PTPRS: variants seen among roughly 807,000 people sequenced by gnomAD.
PTPRS encodes the protein protein tyrosine phosphatase receptor type S.
In PTPRS, 63 loss-of-function variants were observed where a neutral mutation model predicts 215.3. That is an observed-to-expected ratio of 0.29 (90% CI 0.24 to 0.36). PTPRS has a LOEUF of 0.36. Ranked by LOEUF, PTPRS falls within the 10% of genes least tolerant of loss-of-function variation. The pLI, the probability that PTPRS is intolerant of heterozygous loss-of-function variation, is 1.00. For missense variants in PTPRS, 2,258 were observed against 2,825.8 expected, an observed-to-expected ratio of 0.80 and a Z score of 4.56; for synonymous variants, 1,404 against 1,191.4, an observed-to-expected ratio of 1.18 and a Z score of -3.68.
At chr19:5,216,613 T>C (rs2041483242) in intron 26 of PTPRS, 107 bp downstream of exon 26, 1 of 983,614 alleles carries the variant, frequency 1.0e-6, no homozygotes. Context: ...CAAAGGCCGG[T>C]GATGGGTGGG....
chr19:5,212,519 A>G lies in PTPRS; in HGVS notation c.4615-28T>C, dbSNP rs748090485. 3.6e-5 allele frequency: 56 copies of G among 1,554,818 alleles called. No homozygotes were observed. The Admixed American group carries it at 1.0e-3, about 29-fold the overall frequency. On this transcript the variant is annotated intron_variant, in intron 30 of 37. Coordinates refer to ENST00000262963, the MANE Select transcript of PTPRS (RefSeq NM_002850.4). ...GGGGACCACAAGGATGTCACCTGTC[A>G]CTCCGGCTCAACCTGCCACCCATGT...
chr19:5,224,217 A>G (rs1196346407), intron 17 of PTPRS, among the ~76,000 whole-genome samples: 1 of 152,128 alleles, frequency 6.6e-6, no homozygotes, highest in Non-Finnish European at 1.5e-5. Context: ...TCACTTAAGA[A>G]GCAAAGACTT....
intron 1 of PTPRS, among the ~76,000 whole-genome samples, chr19:5,322,393 G>A (rs774120639): frequency 6.6e-6 from 1 of 152,178 alleles, no homozygotes; most frequent in African/African-American, 2.4e-5. Context: ...CAGAGGCCCC[G>A]GAACTCGAGG....
At chr19:5,309,790 C>T (rs2049634293) in intron 1 of PTPRS, among the ~76,000 whole-genome samples, 1 of 152,142 alleles carries the variant, frequency 6.6e-6, no homozygotes, top group Non-Finnish European at 1.5e-5. Flanking sequence ...CCCTCCTCTG[C>T]CCCTGCCTGG....
chr19:5,286,503 A>C (rs1324142946), intron 1 of PTPRS: 5 of 286,218 alleles, frequency 1.7e-5, no homozygotes, highest in Non-Finnish European at 2.8e-5. Context: ...GGAAGTGACT[A>C]GGTCATGAGA....
rs747169994 is a variant in PTPRS, at chr19:5,258,007, C to T, written c.706+10G>A. ...GTCCCTGCCTTTGACCTGGACGCGG[C>T]GTTCCCTACCTCGCACGTAGAGGTT... On this transcript the variant is annotated intron_variant, in intron 8 of 37. Transcript: ENST00000262963. The T allele has an allele frequency of 3.7e-5, 59 of 1,610,066 alleles. No homozygotes were observed. The highest frequency in any genetic ancestry group is 6.7e-5 in the East Asian group (3 of 44,856).
chr19:5,309,077 C>G (rs1459992620), intron 1 of PTPRS, among the ~76,000 whole-genome samples: 2 of 152,066 alleles, frequency 1.3e-5, no homozygotes, highest in African/African-American at 4.8e-5. Flanking sequence ...AGGTGAGTGC[C>G]AAGTGGGAAC....
chr19:5,301,638 G>A lies in PTPRS; in HGVS notation c.-94-15404C>T, dbSNP rs561725368. The stretch of plus-strand genomic sequence containing the variant: ...GCTGTAAATGCATTTAATGGATCTG[G>A]CCACATCCTCTCTGCAAGATGCCTG... On this transcript the variant is annotated intron_variant, in intron 1 of 37. Coordinates refer to ENST00000262963, the MANE Select transcript of PTPRS (RefSeq NM_002850.4). Among the ~76,000 whole-genome samples, 9 of 151,976 alleles carry A rather than the reference G, an allele frequency of 5.9e-5. No homozygotes were observed. In the South Asian group the frequency reaches 1.9e-3, roughly 32 times the overall value.
intron 1 of PTPRS, among the ~76,000 whole-genome samples, chr19:5,299,481 T>C (rs942456492): frequency 1.3e-5 from 2 of 152,214 alleles, no homozygotes; most frequent in Non-Finnish European, 2.9e-5. Context: ...GCTGACCACC[T>C]GGCTCAAGCA....
At chr19:5,222,375 C>CGGCCCTGCCCT (rs1394954552) in intron 18 of PTPRS, among the ~76,000 whole-genome samples, 155 bp from the exon 19 acceptor site, 1 of 151,290 alleles carries the variant, frequency 6.6e-6, no homozygotes, top group Non-Finnish European at 1.5e-5. Flanking sequence ...GGCCCTGGCC[C>CGGCCCTGCCCT]GGCCCTGCCC....
rs2043924105 is a variant in PTPRS, at chr19:5,240,355, C to G, written c.1571-23G>C. The stretch of plus-strand genomic sequence containing the variant: ...GCACTGTGGGGGTGCAGGGAGACAA[C>G]TAGGAGTCGGGGAGCGTCCACCCCA... On this transcript the variant is annotated intron_variant, in intron 11 of 37. Transcript: ENST00000262963. 3.2e-6 allele frequency: 5 copies of G among 1,569,284 alleles called. 1 individual carries two copies. In the South Asian group the frequency reaches 5.9e-5, roughly 19 times the overall value.
rs1447975940 is a variant in PTPRS, at chr19:5,205,756, C to T, written c.*1018G>A. On this transcript the variant is annotated 3_prime_UTR_variant, in exon 38 of 38. Transcript: ENST00000262963. ...GATGTGGGGCAGCACAGCCATACAG[C>T]CACTGTCCCCGAAGAAGTAGGATCC... 6.6e-6 allele frequency among the ~76,000 whole-genome samples: 1 copy of T among 152,028 alleles called. No individual in the cohort carries two copies. The highest frequency in any genetic ancestry group is 1.5e-5 in the Non-Finnish European group (1 of 68,004).
At chr19:5,275,373 TTTTC>T (rs1466356021) in intron 2 of PTPRS, among the ~76,000 whole-genome samples, 1 of 143,992 alleles carries the variant, frequency 6.9e-6, no homozygotes, top group Non-Finnish European at 1.5e-5. Context: ...CCCAGCCTTC[TTTTC>T]TTTTTCTTTT....
chr19:5,250,946 G>C (rs2044975632), intron 9 of PTPRS: 1 of 109,726 alleles, frequency 9.1e-6, no homozygotes, highest in Non-Finnish European at 2.0e-5. Context: ...TGCGGGGGCG[G>C]CGGGGGGGGG....
chr19:5,282,425 C>T (rs539482618), intron 2 of PTPRS, among the ~76,000 whole-genome samples: 6 of 152,262 alleles, frequency 3.9e-5, no homozygotes, highest in South Asian at 4.1e-4. Flanking sequence ...GGCTTGAGGG[C>T]GCCGCGCCTG....
At position 5,244,619 on chromosome 19, in the gene PTPRS, G is replaced by C; in HGVS notation, c.989-137C>G. ...AGTAATCATGGGCCTCATGACTCCT[G>C]TCATCGTCTACAGCAAGGGGTAACA... On this transcript the variant is annotated intron_variant, in intron 10 of 37. Coordinates refer to ENST00000262963, the MANE Select transcript of PTPRS (RefSeq NM_002850.4). This position sits in a 1 kb window ranked among gnomAD's most constrained non-coding sequence, Gnocchi z 7.2. 1 of 682,018 alleles carries C rather than the reference G, an allele frequency of 1.5e-6. No homozygotes were observed. Among genetic ancestry groups the C allele is most frequent in the Middle Eastern group, 2.9e-4 (1 of 3,428 alleles). The allele number at this position is 682,018 out of a possible 1,614,324, so 42.2% of individuals were successfully genotyped here. A position where few individuals can be genotyped will look rare whatever the true frequency, so the allele number is the denominator to read the frequency against.
In PTPRS at chr19:5,206,126, G is replaced by GT. The variant is rs1301860690; in HGVS notation, c.*647dup. ...GGGCCTGGCGTGCGCGTTTGCGAAC[G>GT]TAACTATCACACAAGGACGCTTTCT... On this transcript the variant is annotated 3_prime_UTR_variant, in exon 38 of 38. Transcript: ENST00000262963. Among the ~76,000 whole-genome samples, 2 of 146,770 alleles carry GT rather than the reference G, an allele frequency of 1.4e-5. No individual in the cohort carries two copies. The highest frequency in any genetic ancestry group is 3.0e-5 in the Non-Finnish European group (2 of 67,378).
chr19:5,270,725 C>T (rs2146519752), intron 4 of PTPRS, among the ~76,000 whole-genome samples: 1 of 152,214 alleles, frequency 6.6e-6, no homozygotes. Context: ...GCAGCCTCCG[C>T]CTCCCGGGTT....
At chr19:5,324,982 T>C (rs2050131973) in intron 1 of PTPRS, among the ~76,000 whole-genome samples, 1 of 152,216 alleles carries the variant, frequency 6.6e-6, no homozygotes, top group Non-Finnish European at 1.5e-5. Flanking sequence ...TCCAGTTGAA[T>C]TGCAAATGCC....
Sources: allele counts gnomAD v4.1 joint callset (sites outside exome capture counted in the v4.1 genomes callset), GRCh38; gene constraint gnomAD v4.1.1; non-coding constraint Gnocchi (gnomAD v3.1); transcripts MANE v1.5; gene names NCBI Gene and HGNC (gene_info 2026-07-23, HGNC 2026-07-21).